ITPRIP: variants seen among roughly 807,000 people sequenced by gnomAD.
The protein encoded by ITPRIP is inositol 1,4,5-trisphosphate receptor interacting protein.
A neutral mutation model predicts 35.8 loss-of-function variants in ITPRIP; 32 were observed. That is an observed-to-expected ratio of 0.89 (90% CI 0.68 to 1.20). The LOEUF is 1.20. ITPRIP is among the 50% of genes most tolerant of loss of function. ITPRIP has a pLI of 0.00. For synonymous variants in ITPRIP, 358 were observed against 324.0 expected (o/e 1.11, Z -1.13); for missense variants, 653 against 735.6 (o/e 0.89, Z 1.30).
At chr10:104,337,863 G>A (rs1430120393) in intron 1 of ITPRIP, among the ~76,000 whole-genome samples, 2 of 152,214 alleles carry the variant, frequency 1.3e-5, no homozygotes, top group Non-Finnish European at 2.9e-5. Flanking sequence ...TTCTTCGGTA[G>A]CGCTCTGCTC....
chr10:104,319,279 G>T (rs1214562163), intron 1 of ITPRIP, among the ~76,000 whole-genome samples: 1 of 152,230 alleles, frequency 6.6e-6, no homozygotes, highest in East Asian at 1.9e-4. Flanking sequence ...GCTTAGCACC[G>T]TGCCTGGCAC....
At chr10:104,317,724 C>T (rs930149386) in intron 1 of ITPRIP, among the ~76,000 whole-genome samples, 6 of 152,238 alleles carry the variant, frequency 3.9e-5, no homozygotes, top group African/African-American at 1.4e-4. Flanking sequence ...ACCTGAGCCC[C>T]ATTCCCTTTG....
chr10:104,336,971 A>C (rs2014247400), intron 1 of ITPRIP, among the ~76,000 whole-genome samples: 2 of 152,214 alleles, frequency 1.3e-5, no homozygotes, highest in African/African-American at 2.4e-5. Flanking sequence ...GAGTCAGTAT[A>C]ACTACTTCAT....
chr10:104,332,698 C>T (rs531624817), intron 1 of ITPRIP, among the ~76,000 whole-genome samples: 1 of 152,346 alleles, frequency 6.6e-6, no homozygotes, highest in African/African-American at 2.4e-5. Context: ...ATCCCAGGGA[C>T]AAGATGGACA....
chr10:104,316,069 G>A lies in ITPRIP; in HGVS notation c.-13-5C>T. The A allele has an allele frequency of 6.5e-7, 1 of 1,544,310 alleles. No homozygotes were observed. Among genetic ancestry groups the A allele is most frequent in the Non-Finnish European group, 8.7e-7 (1 of 1,149,912 alleles). On this transcript the variant is annotated splice_polypyrimidine_tract_variant and splice_region_variant and intron_variant, in intron 1 of 1. Transcript: ENST00000337478. Reference sequence around the variant, plus strand: ...ATGGCCATGGTTGGAGCTTTCCTGGGAACAGAGAGACAGATGGTCACACCA... The same window carrying A: ...ATGGCCATGGTTGGAGCTTTCCTGGAAACAGAGAGACAGATGGTCACACCA...
chr10:104,334,362 G>A (rs756034738), intron 1 of ITPRIP, among the ~76,000 whole-genome samples: 6 of 152,244 alleles, frequency 3.9e-5, no homozygotes, highest in Non-Finnish European at 8.8e-5. Context: ...TGGGGACCAC[G>A]TGTCTTTGCT....
At chr10:104,332,718 G>A (rs911797864) in intron 1 of ITPRIP, among the ~76,000 whole-genome samples, 15 of 152,230 alleles carry the variant, frequency 9.9e-5, no homozygotes, top group African/African-American at 3.4e-4. Context: ...ATCCATGGCT[G>A]CCCCCTCTGA....
At position 104,326,526 on chromosome 10, in the gene ITPRIP, G is replaced by C. The variant is rs1401797522; in HGVS notation, c.-13-10462C>G. The C allele has an allele frequency of 2.6e-5, 4 of 152,290 alleles. No individual in the cohort carries two copies. The East Asian group carries it at 7.7e-4, about 29-fold the overall frequency. 9.4% of individuals were successfully genotyped at this position (152,290 alleles called of 1,614,324 possible). ...AGAAGAGACTACAAGGAGTAAAACA[G>C]TAGCAGAGACAAGGAGGGGGCTCCC... On this transcript the variant is annotated intron_variant, in intron 1 of 1. Coordinates refer to ENST00000337478, the MANE Select transcript of ITPRIP (RefSeq NM_001272013.2). This position sits in a 1 kb window ranked among gnomAD's most constrained non-coding sequence, Gnocchi z 4.8.
intron 1 of ITPRIP, among the ~76,000 whole-genome samples, chr10:104,334,962 T>C (rs2014210083): frequency 6.6e-6 from 1 of 152,226 alleles, no homozygotes; most frequent in African/African-American, 2.4e-5. Context: ...CTGGGAGCTT[T>C]CTCAGGGTGA....
In ITPRIP at chr10:104,312,162, T is replaced by G. The variant is rs1240650523; in HGVS notation, c.*2246A>C. ...CTCCTTGCAAGATTTAATTCTTCCT[T>G]TAATATAAATAAGGCAGCATGAAAC... On this transcript the variant is annotated 3_prime_UTR_variant, in exon 2 of 2. Coordinates refer to ENST00000337478, the MANE Select transcript of ITPRIP (RefSeq NM_001272013.2). 1 of 152,288 alleles carries G rather than the reference T, an allele frequency of 6.6e-6. No individual in the cohort carries two copies. The highest frequency in any genetic ancestry group is 2.4e-5 in the African/African-American group (1 of 41,462). The allele number at this position is 152,288 out of a possible 1,614,324, so 9.4% of individuals were successfully genotyped here.
intron 1 of ITPRIP, among the ~76,000 whole-genome samples, chr10:104,316,688 GC>G (rs2013703355): frequency 6.6e-6 from 1 of 152,168 alleles, no homozygotes; most frequent in Non-Finnish European, 1.5e-5. Context: ...TGCTGTCTGA[GC>G]TCTTTAGTCA....
chr10:104,336,963 G>A (rs899013904), intron 1 of ITPRIP, among the ~76,000 whole-genome samples: 1 of 152,224 alleles, frequency 6.6e-6, no homozygotes, highest in African/African-American at 2.4e-5. Context: ...AGAGCAGAGA[G>A]TCAGTATAAC....
Position 104,337,102 on chromosome 10 carries a change from A to G in ITPRIP, c.-14+1144T>C, listed in dbSNP as rs2014251860. On this transcript the variant is annotated intron_variant, in intron 1 of 1. Coordinates refer to ENST00000337478, the MANE Select transcript of ITPRIP (RefSeq NM_001272013.2). ...AGGGCTGGAGGGAGGACTCAAAAAC[A>G]CAGCCTATTCTGTTTTCGTAAGGAG... Among the ~76,000 whole-genome samples the G allele has an allele frequency of 2.0e-5, 3 of 152,194 alleles. 1 individual carries two copies. In the South Asian group the frequency reaches 6.2e-4, roughly 31 times the overall value.
chr10:104,332,492 A>G (rs907182187), intron 1 of ITPRIP, among the ~76,000 whole-genome samples: 9 of 152,146 alleles, frequency 5.9e-5, no homozygotes, highest in Non-Finnish European at 1.2e-4. Context: ...GACACCTACT[A>G]TATCATCTAG....
chr10:104,315,786 C>T lies in ITPRIP; in HGVS notation c.266G>A (p.Trp89Ter). ...GAAGAGGATCATGCAGAGGGTGCTC[C>T]AGAGGTCCCAGGCCACGCGTGTCTC... ...QNETRVAWDLWSTLCMILFLM... is the reference protein window; with the variant it reads ...QNETRVAWDL Residue 89 changes from tryptophan (W) to a stop codon, truncating the protein, a stop_gained, in exon 2 of 2, where the codon TGG (tryptophan) becomes TAG (stop). Transcript: ENST00000337478. LOFTEE classifies it high-confidence loss of function. This position sits in a 1 kb window ranked among gnomAD's most constrained non-coding sequence, Gnocchi z 5.7. 1 of 1,613,968 alleles carries T rather than the reference C, an allele frequency of 6.2e-7. No homozygotes were observed. The highest frequency in any genetic ancestry group is 2.2e-5 in the East Asian group (1 of 44,866).
chr10:104,337,480 C>G (rs530664733), intron 1 of ITPRIP, among the ~76,000 whole-genome samples: 3 of 152,136 alleles, frequency 2.0e-5, no homozygotes, highest in African/African-American at 7.2e-5. Flanking sequence ...CCTTCCTGGT[C>G]GGTGGCTTTT....
At chr10:104,327,044 G>A (rs2014033842) in intron 1 of ITPRIP, 1 of 152,238 alleles carries the variant, frequency 6.6e-6, no homozygotes, top group African/African-American at 2.4e-5. Context: ...GGCCACCCCA[G>A]GAGACTACTG....
At position 104,313,245 on chromosome 10, in the gene ITPRIP, C is replaced by T. The variant is rs2013534308; in HGVS notation, c.*1163G>A. On this transcript the variant is annotated 3_prime_UTR_variant, in exon 2 of 2. Transcript: ENST00000337478. ...CCTGGGGCTATGACATCCTTGGCCC[C>T]TGATCTCTGCAACTTTCTCTGAACT... The T allele has an allele frequency of 1.0e-6, 1 of 985,618 alleles. No individual in the cohort carries two copies. Among genetic ancestry groups the T allele is most frequent in the South Asian group, 4.7e-5 (1 of 21,304 alleles). The allele number at this position is 985,618 out of a possible 1,614,324, so 61.1% of individuals were successfully genotyped here.
intron 1 of ITPRIP, among the ~76,000 whole-genome samples, 191 bp downstream of exon 1, chr10:104,338,055 G>T (rs1436259841): frequency 6.6e-6 from 1 of 152,182 alleles, no homozygotes; most frequent in African/African-American, 2.4e-5. Context: ...CAATACGCCC[G>T]CCTGGGCACG....
Sources: gnomAD v4.1 joint callset for allele counts (sites outside exome capture counted in the v4.1 genomes callset) on GRCh38, gnomAD v4.1.1 for gene constraint, Gnocchi (gnomAD v3.1) non-coding constraint, MANE v1.5 for transcripts, NCBI Gene and HGNC (gene_info 2026-07-23, HGNC 2026-07-21) for gene names.